Variants in PSD3 observed in about 807,000 individuals in gnomAD.
PSD3 encodes the protein PH and SEC7 domain-containing protein 3.
PSD3 carries 49 observed loss-of-function variants against 105.5 expected under a neutral mutation model. The ratio of observed to expected loss-of-function variants is 0.46; its 90% CI spans 0.37 to 0.59. PSD3 has a LOEUF of 0.59. Ranked by LOEUF, PSD3 falls within the 20% of genes least tolerant of loss-of-function variation. PSD3 has a pLI of 0.00. For missense variants in PSD3, 1,561 were observed against 1,263.8 expected (o/e 1.24, Z -3.57); for synonymous variants, 557 against 457.8 (o/e 1.22, Z -2.77).
chr8:18,634,667 T>A (rs887251737), intron 10 of PSD3, among the ~76,000 whole-genome samples: 1 of 152,160 alleles, frequency 6.6e-6, no homozygotes. Context: ...TGGTCAGTTA[T>A]CTTGTAGAAT....
rs35222739 is a variant in PSD3 at position 18,804,889 on chromosome 8, C to T, written c.1644G>A (p.Gly548=). The change falls in exon 5 of 16, where the codon GGG becomes GGA. Residue 548 remains glycine (G), a synonymous_variant. Transcript: ENST00000327040. The stretch of plus-strand genomic sequence containing the variant: ...GAGCTTCTAGCCGTGTTGTTTTCAC[C>T]CCAGCATTGCTATGATAATTGATAA... The part of the protein sequence containing the change: ...PEIAFWGSNA[G]VKTTRLEAHS... 3.7e-3 allele frequency: 5,935 copies of T among 1,602,788 alleles called. 134 individuals carry two copies. In the African/African-American group the frequency reaches 0.046, roughly 12 times the overall value.
rs1449560428 is a variant in PSD3 at position 18,955,333 on chromosome 8, A to G, written c.22-19191T>C. ...ATAGTTCACTGCAGCCTTGAACTCC[A>G]GGACTCAAGGGATCCTCCCTCCTCA... On this transcript the variant is annotated intron_variant, in intron 1 of 15. Transcript: ENST00000327040. 3.9e-5 allele frequency among the ~76,000 whole-genome samples: 6 copies of G among 152,150 alleles called. No homozygotes were observed. The East Asian group carries it at 1.2e-3, about 29-fold the overall frequency.
chr8:18,734,519 G>C (rs902116701), intron 9 of PSD3: 8 of 152,144 alleles, frequency 5.3e-5, no homozygotes, highest in African/African-American at 1.4e-4. Flanking sequence ...TCTTGGGTAA[G>C]TCTTTTCTCT....
chr8:18,810,355 T>A (rs1422662085), intron 4 of PSD3, among the ~76,000 whole-genome samples: 2 of 152,182 alleles, frequency 1.3e-5, no homozygotes, highest in African/African-American at 4.8e-5. Flanking sequence ...TAATGGTATG[T>A]GGCACTAATT....
At chr8:18,811,459 G>A (rs1484088656) in intron 4 of PSD3, among the ~76,000 whole-genome samples, 1 of 152,090 alleles carries the variant, frequency 6.6e-6, no homozygotes, top group Non-Finnish European at 1.5e-5. Context: ...GGTGGGGAGG[G>A]GAGCTAAAAA....
chr8:18,745,070 T>A lies in PSD3; in HGVS notation c.2172+20379A>T, dbSNP rs1394130018. On this transcript the variant is annotated intron_variant, in intron 9 of 15. Transcript: ENST00000327040. ...CTTTAGAGCATCAGAGGCTTCATGA[T>A]GTTGAGATGCCTTGCCACTGGTGAT... 2.6e-5 allele frequency among the ~76,000 whole-genome samples: 4 copies of A among 152,344 alleles called. No homozygotes were observed. In the East Asian group the frequency reaches 7.7e-4, roughly 29 times the overall value.
At chr8:18,771,939 G>A (rs1393534194) in intron 8 of PSD3, among the ~76,000 whole-genome samples, 1 of 152,122 alleles carries the variant, frequency 6.6e-6, no homozygotes, top group East Asian at 1.9e-4. Context: ...CTGTTTATAT[G>A]AATTTAACAA....
At chr8:18,816,805 T>A (rs143046804) in intron 4 of PSD3, among the ~76,000 whole-genome samples, 3 of 152,292 alleles carry the variant, frequency 2.0e-5, no homozygotes, top group Non-Finnish European at 4.4e-5. Flanking sequence ...TTAGGTCTAA[T>A]AAAGCATCAA....
At chr8:18,821,033 A>G (rs1052863346) in intron 4 of PSD3, among the ~76,000 whole-genome samples, 2 of 152,218 alleles carry the variant, frequency 1.3e-5, no homozygotes, top group Admixed American at 1.3e-4. Flanking sequence ...TATAAAAGGC[A>G]TGGAGTCACT....
At position 18,902,686 on chromosome 8, in the gene PSD3, G is replaced by A. The variant is rs183781594; in HGVS notation, c.131-29953C>T. Among the ~76,000 whole-genome samples the A allele has an allele frequency of 2.6e-5, 4 of 152,238 alleles. No homozygotes were observed. The East Asian group carries it at 7.7e-4, about 29-fold the overall frequency. ...TACAGAAAGACTTTGACCTTCAGTA[G>A]GGTTTTACTGTGCTGGTTGGAAAGA... On this transcript the variant is annotated intron_variant, in intron 2 of 15. Coordinates refer to ENST00000327040, the MANE Select transcript of PSD3 (RefSeq NM_015310.4).
intron 9 of PSD3, among the ~76,000 whole-genome samples, chr8:18,716,988 T>A (rs1474801540): frequency 6.6e-6 from 1 of 152,218 alleles, no homozygotes; most frequent in East Asian, 1.9e-4. Flanking sequence ...CAGGAAGATG[T>A]GGTTAATCAA....
intron 15 of PSD3, among the ~76,000 whole-genome samples, chr8:18,540,609 C>A (rs1800100979): frequency 6.6e-6 from 1 of 152,160 alleles, no homozygotes; most frequent in South Asian, 2.1e-4. Flanking sequence ...CTCAGTACCT[C>A]TCCCATTTCT....
chr8:18,655,011 T>C (rs1424834793), intron 10 of PSD3, among the ~76,000 whole-genome samples: 1 of 152,164 alleles, frequency 6.6e-6, no homozygotes, highest in Non-Finnish European at 1.5e-5. Context: ...ATTTTTCTTT[T>C]AGAATGTTAC....
chr8:19,009,771 G>C lies in PSD3; in HGVS notation c.21+3792C>G, dbSNP rs576444304. Among the ~76,000 whole-genome samples the C allele has an allele frequency of 2.0e-5, 3 of 152,006 alleles. No homozygotes were observed. The East Asian group carries it at 5.8e-4, about 30-fold the overall frequency. ...CTGGGCGCAGTGGCGTGTACCTGTG[G>C]TCCCAGCCACTCGGGAGGCTGAGAC... On this transcript the variant is annotated intron_variant, in intron 1 of 15. Coordinates refer to ENST00000327040, the MANE Select transcript of PSD3 (RefSeq NM_015310.4).
intron 1 of PSD3, among the ~76,000 whole-genome samples, chr8:18,974,408 T>G (rs1288198443): frequency 8.6e-3 from 6 of 698 alleles, no homozygotes; most frequent in Non-Finnish European, 0.016. Context: ...CCTCTGAAAC[T>G]GACATTTCCC....
At chr8:18,885,992 C>T (rs1818428411) in intron 2 of PSD3, among the ~76,000 whole-genome samples, 1 of 152,090 alleles carries the variant, frequency 6.6e-6, no homozygotes, top group African/African-American at 2.4e-5. Flanking sequence ...AGATACTAAG[C>T]TGTACTTCAG....
At chr8:18,832,824 C>G (rs895038145) in intron 4 of PSD3, among the ~76,000 whole-genome samples, 2 of 152,108 alleles carry the variant, frequency 1.3e-5, no homozygotes, top group Admixed American at 6.5e-5. Flanking sequence ...ACCATCAGAC[C>G]TGGTGAGACC....
chr8:18,989,408 C>G (rs1272124767), intron 1 of PSD3: 2 of 151,970 alleles, frequency 1.3e-5, no homozygotes, highest in African/African-American at 2.4e-5. Flanking sequence ...CTCAAAGCAT[C>G]AAAGGTGAAT....
intron 1 of PSD3, among the ~76,000 whole-genome samples, chr8:19,050,447 C>A (rs981283578): frequency 5.9e-5 from 9 of 152,108 alleles, no homozygotes; most frequent in African/African-American, 1.9e-4. Context: ...AAATGCCCAA[C>A]AATGATAGAC....
Sources: gnomAD v4.1 joint callset for allele counts (sites outside exome capture counted in the v4.1 genomes callset) on GRCh38, gnomAD v4.1.1 for gene constraint, MANE v1.5 for transcripts, NCBI Gene and HGNC (gene_info 2026-07-23, HGNC 2026-07-21) for gene names.